EHD1: variants seen among roughly 807,000 people sequenced by gnomAD.
EHD1 encodes EH domain-containing protein 1.
Under a neutral mutation model 39.0 loss-of-function variants are expected in EHD1, and 19 were observed. That is an observed-to-expected ratio of 0.49 (90% confidence interval 0.34 to 0.72). The LOEUF is 0.72. Among genes scored for constraint, EHD1 ranks in the 30% least tolerant of loss-of-function variants. EHD1 has a pLI of 0.01. For synonymous variants in EHD1, 323 were observed against 331.2 expected (o/e 0.98, Z 0.27); for missense variants, 542 against 751.5 (o/e 0.72, Z 3.26).
At chr11:64,878,030 C>A in intron 1 of EHD1, 31 bp downstream of exon 1, 1 of 1,480,842 alleles carries the variant, frequency 6.8e-7, no homozygotes, top group South Asian at 1.4e-5. Context: ...CCCGGACGCG[C>A]CCCCCGCCCC....
intron 2 of EHD1, among the ~76,000 whole-genome samples, chr11:64,874,164 C>T (rs1280668775): frequency 6.6e-6 from 1 of 151,362 alleles, no homozygotes; most frequent in Non-Finnish European, 1.5e-5. Context: ...ATTAGCCGGG[C>T]GTGGTGGCAC....
At chr11:64,877,074 G>C (rs780988966) in intron 1 of EHD1, among the ~76,000 whole-genome samples, 2 of 152,248 alleles carry the variant, frequency 1.3e-5, no homozygotes, top group Non-Finnish European at 2.9e-5. Context: ...CTCTTCGCTG[G>C]TGCAGAATTA....
chr11:64,854,346 C>T lies in EHD1; in HGVS notation c.1592G>A (p.Arg531His), dbSNP rs774868370. 5.0e-6 allele frequency: 8 copies of T among 1,608,398 alleles called. No individual in the cohort carries two copies. The highest frequency in any genetic ancestry group is 4.5e-5 in the East Asian group (2 of 44,836). Residue 531 changes from arginine to histidine, a missense_variant, in exon 5 of 5, where the codon CGC becomes CAC. Physicochemically the swap from Arg to His is conservative, Grantham distance 29. Transcript: ENST00000320631. The part of the protein sequence containing the change: ...LPPHLVPPSK[R>H]RHE Reference sequence around the variant, plus strand: ...GGCCGGGCGCCATCACTCATGTCTGCGCTTGGAGGGCGGCACCAGGTGCGG... The same window carrying T: ...GGCCGGGCGCCATCACTCATGTCTGTGCTTGGAGGGCGGCACCAGGTGCGG...
At chr11:64,878,666 A>T, upstream of EHD1, 28 of 1,313,442 alleles carry the variant, frequency 2.1e-5, no homozygotes, top group Admixed American at 7.7e-5. Context: ...TCGGTCCCTC[A>T]GTGGCGGCTA....
chr11:64,878,279 G>A lies in EHD1; in HGVS notation c.186C>T (p.Leu62=), dbSNP rs1334147572. 3 of 1,614,100 alleles carry A rather than the reference G, an allele frequency of 1.9e-6. No homozygotes were observed. Among genetic ancestry groups the A allele is most frequent in the Non-Finnish European group, 1.7e-6 (2 of 1,180,042 alleles). ...DADFDNKPMV[L]LVGQYSTGKT... ...TGCCCGTGCTGTACTGCCCCACGAG[G>A]AGCACCATAGGCTTGTTGTCGAAGT... Residue 62 remains leucine, a synonymous_variant, in exon 1 of 5, where the codon CTC becomes CTT. Coordinates refer to ENST00000320631, the MANE Select transcript of EHD1 (RefSeq NM_006795.4).
chr11:64,858,289 C>A (rs1022757455), intron 3 of EHD1, among the ~76,000 whole-genome samples: 1 of 151,294 alleles, frequency 6.6e-6, no homozygotes, highest in South Asian at 2.1e-4. Context: ...TCAAGTGATT[C>A]TCCTGTCTCA....
upstream of EHD1, chr11:64,878,627 G>A (rs896401850): frequency 1.0e-4 from 144 of 1,407,988 alleles, no homozygotes; most frequent in Non-Finnish European, 1.3e-4. Flanking sequence ...CGAATGCTGC[G>A]CACCCCTCGC....
chr11:64,867,235 A>T (rs1038932526), intron 2 of EHD1, among the ~76,000 whole-genome samples: 2 of 152,072 alleles, frequency 1.3e-5, no homozygotes, highest in Non-Finnish European at 2.9e-5. Context: ...CCTGACCAAC[A>T]TGGTGAAACC....
chr11:64,867,331 A>G (rs1323773415), intron 2 of EHD1, among the ~76,000 whole-genome samples: 3 of 151,744 alleles, frequency 2.0e-5, no homozygotes, highest in Non-Finnish European at 1.5e-5. Context: ...AGGCAGGAGA[A>G]CTGCTGGAAT....
intron 2 of EHD1, among the ~76,000 whole-genome samples, chr11:64,873,964 A>G (rs1165520038): frequency 6.7e-6 from 1 of 148,616 alleles, no homozygotes; most frequent in East Asian, 2.1e-4. Context: ...AGTGTGAGCC[A>G]CCGTGCCCGG....
intron 2 of EHD1, among the ~76,000 whole-genome samples, chr11:64,870,385 C>T (rs1398052361): frequency 2.0e-5 from 3 of 152,196 alleles, no homozygotes; most frequent in Non-Finnish European, 2.9e-5. Flanking sequence ...TGCCTGTCAT[C>T]TTAGGCCAAT....
chr11:64,851,847 A>G lies in EHD1; in HGVS notation c.*2486T>C, dbSNP rs1389927253. On this transcript the variant is annotated 3_prime_UTR_variant, in exon 5 of 5. Coordinates refer to ENST00000320631, the MANE Select transcript of EHD1 (RefSeq NM_006795.4). ...TTATTTCGGCAGTCCTCAGTCTCGG[A>G]CTCTCCCTCTGTGAAATGGGGGAAC... is the stretch of plus-strand genomic sequence containing the variant. 6.6e-6 allele frequency: 1 copy of G among 151,686 alleles called. No homozygotes were observed. The highest frequency in any genetic ancestry group is 2.4e-5 in the African/African-American group (1 of 41,228). The allele number at this position is 151,686 out of a possible 1,614,324, so 9.4% of individuals were successfully genotyped here.
chr11:64,865,973 G>C (rs1237773485), intron 2 of EHD1, among the ~76,000 whole-genome samples: 6 of 152,156 alleles, frequency 3.9e-5, no homozygotes, highest in African/African-American at 1.4e-4. Context: ...ATTTAAAACA[G>C]AACTACCATT....
chr11:64,865,236 C>T (rs1413767543), intron 2 of EHD1, among the ~76,000 whole-genome samples: 1 of 152,276 alleles, frequency 6.6e-6, no homozygotes, highest in Non-Finnish European at 1.5e-5. Flanking sequence ...GGCCCACCGG[C>T]GCTCCTTAGC....
At position 64,868,412 on chromosome 11, in the gene EHD1, G is replaced by A. The variant is rs1318459108; in HGVS notation, c.502+6009C>T. 6.6e-6 allele frequency among the ~76,000 whole-genome samples: 1 copy of A among 151,698 alleles called. No individual in the cohort carries two copies. Among genetic ancestry groups the A allele is most frequent in the Non-Finnish European group, 1.5e-5 (1 of 67,918 alleles). On this transcript the variant is annotated intron_variant, in intron 2 of 4. Coordinates refer to ENST00000320631, the MANE Select transcript of EHD1 (RefSeq NM_006795.4). This position sits in a 1 kb window ranked among gnomAD's most constrained non-coding sequence, Gnocchi z 4.2. ...CACGTACTTGACTCAAAACTGCCCC[G>A]GGTGGAACAACCCAAGCGCCCCAAC...
Position 64,859,469 on chromosome 11 carries a change from G to A in EHD1, c.915+455C>T, listed in dbSNP as rs778097907. Among the ~76,000 whole-genome samples the A allele has an allele frequency of 1.0e-3, 153 of 152,236 alleles. 1 individual carries two copies. Among genetic ancestry groups the A allele is most frequent in the Non-Finnish European group, 1.9e-3 (131 of 68,020 alleles). ...TGGGAGGTGGAGGTTGCTATGAGCC[G>A]AGATCATGCCACTGCACTCCAGCTT... is the stretch of plus-strand genomic sequence containing the variant. On this transcript the variant is annotated intron_variant, in intron 3 of 4. Transcript: ENST00000320631.
chr11:64,872,060 T>A (rs1592753198), intron 2 of EHD1, among the ~76,000 whole-genome samples: 1 of 150,960 alleles, frequency 6.6e-6, no homozygotes, highest in Non-Finnish European at 1.5e-5. Flanking sequence ...GAGTGGGAGG[T>A]GGGGAGGGAG....
Position 64,878,403 on chromosome 11 carries a change from A to G in EHD1, c.62T>C (p.Val21Ala). Reference protein sequence around the residue: ...RKKEPELFQTVAEGLRQLYAQ... With the variant: ...RKKEPELFQTAAEGLRQLYAQ... Reference sequence around the variant, plus strand: ...GTACAGCTGCCGCAGCCCCTCAGCCACCGTCTGGAAGAGCTCCGGCTCCTT... The same window carrying G: ...GTACAGCTGCCGCAGCCCCTCAGCCGCCGTCTGGAAGAGCTCCGGCTCCTT... The change falls in exon 1 of 5, where the codon GTG (valine) becomes GCG (alanine). Residue 21 changes from valine (V) to alanine (A), a missense_variant. Val to Ala is a moderately conservative substitution (Grantham distance 64). Transcript: ENST00000320631. 6.2e-7 allele frequency: 1 copy of G among 1,613,850 alleles called. No homozygotes were observed. The highest frequency in any genetic ancestry group is 1.3e-5 in the African/African-American group (1 of 75,072).
upstream of EHD1, chr11:64,878,754 G>T: frequency 7.7e-7 from 1 of 1,296,454 alleles, no homozygotes; most frequent in South Asian, 2.2e-5. Context: ...TCCGACTGGT[G>T]CCACGTCTTC....
Sources: gnomAD v4.1 joint callset for allele counts (sites outside exome capture counted in the v4.1 genomes callset) on GRCh38, gnomAD v4.1.1 for gene constraint, Gnocchi (gnomAD v3.1) non-coding constraint, MANE v1.5 for transcripts, NCBI Gene and HGNC (gene_info 2026-07-23, HGNC 2026-07-21) for gene names.